Variants in PCSK5 observed in about 807,000 individuals in gnomAD.
PCSK5 encodes the protein proprotein convertase subtilisin/kexin type 5, also known as prohormone convertase 5.
In PCSK5, 129 loss-of-function variants were observed where a neutral mutation model predicts 233.2. That is an observed-to-expected ratio of 0.55 (90% CI 0.48 to 0.64). PCSK5 has a LOEUF of 0.64. PCSK5 is among the 30% of genes least tolerant of loss of function. The pLI is 0.00. For missense variants in PCSK5, 2,076 were observed against 2,430.1 expected, an observed-to-expected ratio of 0.85 and a Z score of 3.06; for synonymous variants, 825 against 879.2, an observed-to-expected ratio of 0.94 and a Z score of 1.09.
At chr9:76,015,407 G>A (rs1827908521) in intron 3 of PCSK5, among the ~76,000 whole-genome samples, 1 of 152,070 alleles carries the variant, frequency 6.6e-6, no homozygotes, top group South Asian at 2.1e-4. Context: ...CCTTAACCCA[G>A]TCAAGTAACA....
At chr9:76,074,108 C>G (rs953276375) in intron 7 of PCSK5, among the ~76,000 whole-genome samples, 3 of 152,128 alleles carry the variant, frequency 2.0e-5, no homozygotes, top group African/African-American at 7.2e-5. Flanking sequence ...TTTCCCCACC[C>G]AACTGGGTAA....
intron 2 of PCSK5, among the ~76,000 whole-genome samples, chr9:75,938,408 C>G (rs920643064): frequency 5.3e-5 from 8 of 152,166 alleles, no homozygotes. Context: ...CACCCTAAAA[C>G]AATTACAATA....
chr9:76,241,125 G>T (rs1474941114), intron 24 of PCSK5, among the ~76,000 whole-genome samples: 2 of 152,164 alleles, frequency 1.3e-5, no homozygotes, highest in East Asian at 3.8e-4. Context: ...TGGGTAGAGG[G>T]AGGGGGGGTT....
chr9:75,991,304 G>A (rs1288531286), intron 3 of PCSK5, among the ~76,000 whole-genome samples: 6 of 152,202 alleles, frequency 3.9e-5, no homozygotes, highest in African/African-American at 1.4e-4. Context: ...CACAGAATCT[G>A]GGAATTTGTA....
intron 2 of PCSK5, among the ~76,000 whole-genome samples, chr9:75,946,679 C>T (rs1387455430): frequency 6.6e-6 from 1 of 152,202 alleles, no homozygotes; most frequent in Non-Finnish European, 1.5e-5. Flanking sequence ...ACCTCTGCCT[C>T]TCGGGTTCAA....
At chr9:76,020,000 C>T (rs1161312221) in intron 3 of PCSK5, among the ~76,000 whole-genome samples, 1 of 152,186 alleles carries the variant, frequency 6.6e-6, no homozygotes, top group Non-Finnish European at 1.5e-5. Flanking sequence ...ATACTGTGCA[C>T]GTATGTGGTT....
At chr9:76,002,968 C>T (rs897779489) in intron 3 of PCSK5, among the ~76,000 whole-genome samples, 1 of 152,212 alleles carries the variant, frequency 6.6e-6, no homozygotes, top group Non-Finnish European at 1.5e-5. Context: ...GAAAAATTCT[C>T]GTGGGTACAC....
At chr9:76,331,968 G>T (rs998497068) in intron 33 of PCSK5, among the ~76,000 whole-genome samples, 1 of 152,244 alleles carries the variant, frequency 6.6e-6, no homozygotes, top group Admixed American at 6.5e-5. Flanking sequence ...CATAGGAACA[G>T]CAATAAGAGA....
intron 9 of PCSK5, among the ~76,000 whole-genome samples, chr9:76,126,122 C>A (rs908813133): frequency 3.3e-5 from 5 of 151,754 alleles, no homozygotes; most frequent in Non-Finnish European, 7.4e-5. Flanking sequence ...TGAAATACAT[C>A]AAAATTTTTG....
chr9:76,062,874 A>G (rs10781330), intron 5 of PCSK5, among the ~76,000 whole-genome samples: 110,891 of 152,048 alleles, frequency 0.73, 41,545 homozygotes, highest in African/African-American at 0.91. Context: ...ATTCTATTAT[A>G]CTATTGAACA....
At chr9:76,209,381 G>A (rs887982758) in intron 20 of PCSK5, 16 of 341,594 alleles carry the variant, frequency 4.7e-5, no homozygotes, top group East Asian at 4.3e-4. Flanking sequence ...GCTTCTAACC[G>A]TACTAATCAT....
Position 75,890,798 on chromosome 9 carries a change from TCTC to T in PCSK5, c.-382_-380del, listed in dbSNP as rs1252217829. The T allele has an allele frequency of 5.4e-6, 1 of 186,408 alleles. No individual in the cohort carries two copies. Among genetic ancestry groups the T allele is most frequent in the Non-Finnish European group, 1.1e-5 (1 of 90,326 alleles). 11.5% of individuals were successfully genotyped at this position (186,408 alleles called of 1,614,324 possible). A position where few individuals can be genotyped will look rare whatever the true frequency, so the allele number is the denominator to read the frequency against. On this transcript the variant is annotated 5_prime_UTR_variant, in exon 1 of 38. Coordinates refer to ENST00000674117, the MANE Select transcript of PCSK5 (RefSeq NM_001372043.1). ...CTGCCTGTACCGCTCCCGCTGGTCATCTCCGCCGCGCTCGGGGGCCCCGGGAGG... is the reference window on the plus strand; with the variant it reads ...CTGCCTGTACCGCTCCCGCTGGTCATCGCCGCGCTCGGGGGCCCCGGGAGG...
intron 3 of PCSK5, among the ~76,000 whole-genome samples, chr9:76,003,923 A>G (rs927608104): frequency 1.3e-5 from 2 of 152,070 alleles, no homozygotes; most frequent in Admixed American, 1.3e-4. Context: ...GTCCTCCGGA[A>G]TAGCTAGAAC....
At chr9:76,187,183 T>C (rs1405439218) in intron 17 of PCSK5, among the ~76,000 whole-genome samples, 4 of 152,138 alleles carry the variant, frequency 2.6e-5, no homozygotes, top group East Asian at 3.9e-4. Context: ...ATTATCCACA[T>C]ACAAAGCAGT....
At chr9:76,010,861 T>C (rs1311130648) in intron 3 of PCSK5, among the ~76,000 whole-genome samples, 1 of 152,226 alleles carries the variant, frequency 6.6e-6, no homozygotes, top group African/African-American at 2.4e-5. Flanking sequence ...GTTAACGTTA[T>C]TCCTTTCATT....
intron 2 of PCSK5, among the ~76,000 whole-genome samples, chr9:75,984,048 C>T (rs1400426981): frequency 6.6e-6 from 1 of 152,102 alleles, no homozygotes; most frequent in Admixed American, 6.5e-5. Context: ...GACTTGTCGT[C>T]AAATCTAGAT....
At chr9:76,178,870 G>A (rs936053819) in intron 14 of PCSK5, among the ~76,000 whole-genome samples, 3 of 152,038 alleles carry the variant, frequency 2.0e-5, no homozygotes, top group African/African-American at 7.2e-5. Context: ...CCATCTTTCT[G>A]GCATTTTTTT....
Position 75,902,214 on chromosome 9 carries a change from T to TAAAAAAAAAAAAAAAA in PCSK5, c.192+10855_192+10870dup, listed in dbSNP as rs200579439. ...CTGGGTGACAGAGTGAGACACCATC[T>TAAAAAAAAAAAAAAAA]AAAAAAAAAAAAAAAAAAAAAAAAA... is the stretch of plus-strand genomic sequence containing the variant. On this transcript the variant is annotated intron_variant, in intron 1 of 37. Transcript: ENST00000674117. Among the ~76,000 whole-genome samples the TAAAAAAAAAAAAAAAA allele has an allele frequency of 2.1e-3, 114 of 53,250 alleles. 2 individuals are homozygous for TAAAAAAAAAAAAAAAA. Among genetic ancestry groups the TAAAAAAAAAAAAAAAA allele is most frequent in the African/African-American group, 3.1e-3 (39 of 12,530 alleles). The allele number at this position is 53,250 out of a possible 152,430, so 34.9% of individuals were successfully genotyped here. A position where few individuals can be genotyped will look rare whatever the true frequency, so the allele number is the denominator to read the frequency against.
intron 20 of PCSK5, chr9:76,194,796 A>C: frequency 2.2e-6 from 1 of 463,122 alleles, no homozygotes; most frequent in South Asian, 1.6e-5. Flanking sequence ...TCAAAGCTTC[A>C]TTGGTGACCT....
Sources: allele counts gnomAD v4.1 joint callset (sites outside exome capture counted in the v4.1 genomes callset), GRCh38; gene constraint gnomAD v4.1.1; transcripts MANE v1.5; gene names NCBI Gene and HGNC (gene_info 2026-07-23, HGNC 2026-07-21).